The following RIF1 variants were observed in gnomAD, a reference collection of about 807,000 sequenced individuals.
RIF1 encodes telomere-associated protein RIF1.
RIF1 carries 45 observed loss-of-function variants against 247.1 expected under a neutral mutation model. The ratio of observed to expected loss-of-function variants is 0.18; its 90% CI spans 0.14 to 0.23. The LOEUF is 0.23. Ranked by LOEUF, RIF1 falls within the 10% of genes least tolerant of loss-of-function variation. RIF1 has a pLI of 1.00. For missense variants in RIF1, 2,967 were observed against 2,862.5 expected (o/e 1.04, Z -0.83); for synonymous variants, 1,087 against 978.8 (o/e 1.11, Z -2.06).
At position 151,443,541 on chromosome 2, in the gene RIF1, T is replaced by C; in HGVS notation, c.1818T>C (p.Ser606=). Residue 606 remains serine, a synonymous_variant, in exon 18 of 36, where the codon AGT becomes AGC. Coordinates refer to ENST00000444746, the MANE Select transcript of RIF1 (RefSeq NM_018151.5). ...ATTTTTTGTTCAGGTTCTTTCTCAG[T>C]TTGGAATCACTTGTAGGCTGTGTTC... ...CGVSDERFFL[S]LESLVGCVLS... The C allele has an allele frequency of 3.2e-6, 5 of 1,575,662 alleles. No individual in the cohort carries two copies. In the South Asian group the frequency reaches 6.0e-5, roughly 19 times the overall value.
intron 11 of RIF1, 27 bp from the exon 12 acceptor site, chr2:151,436,800 T>G: frequency 1.3e-6 from 2 of 1,522,990 alleles, no homozygotes; most frequent in South Asian, 2.5e-5. Flanking sequence ...CTTGTATGAC[T>G]TAACTCTTTT....
chr2:151,464,805 C>T lies in RIF1; in HGVS notation c.5285C>T (p.Thr1762Ile). The part of the protein sequence containing the change: ...TENNDVEISE[T>I]KKADVQAPVS... ...AATAATGACGTAGAGATTAGTGAAA[C>T]AAAAAAGGCAGATGTGCAAGCACCT... The change falls in exon 30 of 36, where the codon ACA becomes ATA. Residue 1762 changes from threonine (T) to isoleucine (I), a missense_variant. Around this residue, in one of 7 missense-constraint regions of RIF1, gnomAD observed 2,028 missense variants for 1,825.6 expected, o/e 1.11. Coordinates refer to ENST00000444746, the MANE Select transcript of RIF1 (RefSeq NM_018151.5). The T allele has an allele frequency of 1.9e-6, 3 of 1,613,236 alleles. No homozygotes were observed. Among genetic ancestry groups the T allele is most frequent in the Non-Finnish European group, 2.5e-6 (3 of 1,179,754 alleles).
At chr2:151,466,931 G>A (rs1157577054) in intron 30 of RIF1, among the ~76,000 whole-genome samples, 2 of 152,130 alleles carry the variant, frequency 1.3e-5, no homozygotes, top group East Asian at 1.9e-4. Flanking sequence ...CACTTTGAAA[G>A]TATTCCTTTG....
At chr2:151,526,142 G>A in the RIF1 span, 1 of 1,613,396 alleles carries the variant, frequency 6.2e-7, no homozygotes, top group East Asian at 2.2e-5. Context: ...AGAACTCATG[G>A]GCGGCTGGGG....
intron 27 of RIF1, 68 bp downstream of exon 27, chr2:151,461,357 T>A: frequency 6.9e-7 from 1 of 1,457,136 alleles, no homozygotes; most frequent in Non-Finnish European, 9.4e-7. Flanking sequence ...AAGAAAAGTG[T>A]AACTTTGTGT....
At chr2:151,486,218 A>G (rs1174055101), downstream of RIF1, 1 of 309,210 alleles carries the variant, frequency 3.2e-6, no homozygotes, top group Non-Finnish European at 6.0e-6. Context: ...TCCAAAAAAG[A>G]TAGACAAATA....
chr2:151,468,419 A>C, intron 31 of RIF1, 55 bp from the exon 32 acceptor site: 1 of 1,387,140 alleles, frequency 7.2e-7, no homozygotes, highest in Non-Finnish European at 1.0e-6. Flanking sequence ...AAAAATTGTG[A>C]AATTATAGTC....
intron 6 of RIF1, among the ~76,000 whole-genome samples, chr2:151,417,861 G>T (rs979788930): frequency 6.6e-6 from 1 of 152,086 alleles, no homozygotes; most frequent in African/African-American, 2.4e-5. Context: ...ATATACCCAG[G>T]CTGCATGGTA....
At chr2:151,470,002 C>G (rs1697549468) in intron 34 of RIF1, 138 bp downstream of exon 34, 7 of 494,090 alleles carry the variant, frequency 1.4e-5, no homozygotes, top group Non-Finnish European at 2.0e-5. Flanking sequence ...ATGCATTGCA[C>G]CTCAGATAAA....
At chr2:151,497,912 G>A in intron 10 of RIF1, 1 of 1,473,280 alleles carries the variant, frequency 6.8e-7, no homozygotes, top group Non-Finnish European at 8.9e-7. Context: ...AGGGACTTCA[G>A]CTGCTGAGGA....
intron 8 of RIF1, chr2:151,423,365 G>C (rs946141036): frequency 2.0e-5 from 4 of 201,814 alleles, no homozygotes; most frequent in African/African-American, 9.4e-5. Flanking sequence ...TCCATGTAAT[G>C]CCACATTTTT....
chr2:151,463,605 T>A lies in RIF1; in HGVS notation c.4085T>A (p.Val1362Glu). 6.2e-7 allele frequency: 1 copy of A among 1,613,552 alleles called. No individual in the cohort carries two copies. Among genetic ancestry groups the A allele is most frequent in the Admixed American group, 1.7e-5 (1 of 59,996 alleles). The part of the protein sequence containing the change: ...HDNTKLKAAT[V>E]ENAVLLETNT... ...AATACAAAGCTTAAAGCAGCAACAG[T>A]GGAAAATGCTGTATTATTGGAAACT... is the stretch of plus-strand genomic sequence containing the variant. Residue 1362 changes from valine to glutamate, a missense_variant, in exon 30 of 36, where the codon GTG (valine) becomes GAG (glutamate). By Grantham distance (121) the Val-to-Glu change is moderately radical. Coordinates refer to ENST00000444746, the MANE Select transcript of RIF1 (RefSeq NM_018151.5).
intron 3 of RIF1, among the ~76,000 whole-genome samples, chr2:151,413,563 T>A (rs750282965): frequency 5.3e-5 from 8 of 152,188 alleles, no homozygotes; most frequent in Non-Finnish European, 1.2e-4. Flanking sequence ...ATGAGACACA[T>A]CATCGTTAAG....
chr2:151,410,551 C>T lies in RIF1; in HGVS notation c.104+24C>T, dbSNP rs781117114. On this transcript the variant is annotated intron_variant, in intron 2 of 35. Transcript: ENST00000444746. ...AGGTGAGGTCCGCCACGGGGCGTAG[C>T]GGAGAGTGGGGCGCTCTATAGTGGG... 3.2e-6 allele frequency: 5 copies of T among 1,582,922 alleles called. No individual in the cohort carries two copies. The East Asian group carries it at 6.7e-5, about 21-fold the overall frequency.
the RIF1 span, among the ~76,000 whole-genome samples, chr2:151,532,748 T>C: frequency 5.2e-5 from 1 of 19,410 alleles, no homozygotes; most frequent in South Asian, 8.6e-4. Flanking sequence ...TCAATTAACT[T>C]TTTTTTTTTG....
In RIF1 at chr2:151,476,870, A is replaced by T. The variant is rs2048952779; in HGVS notation, c.*1799A>T. 1 of 152,218 alleles carries T rather than the reference A, an allele frequency of 6.6e-6. No homozygotes were observed. The highest frequency in any genetic ancestry group is 1.5e-5 in the Non-Finnish European group (1 of 68,044). 9.4% of individuals were successfully genotyped at this position (152,218 alleles called of 1,614,324 possible). ...ATATGTGTTTGGGGCAGAGGGGAGC[A>T]GATTACTTTAACACACTTCAGAATT... On this transcript the variant is annotated 3_prime_UTR_variant, in exon 36 of 36. Coordinates refer to ENST00000444746, the MANE Select transcript of RIF1 (RefSeq NM_018151.5).
chr2:151,525,046 CTT>C, the RIF1 span: 1 of 810,680 alleles, frequency 1.2e-6, no homozygotes, highest in South Asian at 1.5e-5. Context: ...TCGCCACTAA[CTT>C]TTTGAAACTA....
chr2:151,433,513 G>A (rs1286221985), intron 10 of RIF1, among the ~76,000 whole-genome samples: 2 of 152,114 alleles, frequency 1.3e-5, no homozygotes, highest in Non-Finnish European at 2.9e-5. Context: ...GGAGTGCAGT[G>A]GCACGATCTC....
rs1264581207 is a variant in RIF1, at chr2:151,465,229, A to G, written c.5709A>G (p.Ala1903=). 2 of 1,610,672 alleles carry G rather than the reference A, an allele frequency of 1.2e-6. No homozygotes were observed. The highest frequency in any genetic ancestry group is 8.5e-7 in the Non-Finnish European group (1 of 1,179,328). ...SLENVTVEGN[A]CKVTESNLEK... The stretch of plus-strand genomic sequence containing the variant: ...AGAATGTTACTGTTGAAGGAAATGC[A>G]TGTAAAGTAACAGAATCCAATCTAG... The change falls in exon 30 of 36, where the codon GCA becomes GCG. Residue 1903 remains alanine, a synonymous_variant. Transcript: ENST00000444746.
Sources: gnomAD v4.1 joint callset for allele counts (sites outside exome capture counted in the v4.1 genomes callset) on GRCh38, gnomAD v4.1.1 for gene constraint, gnomAD v4.1.1 regional missense constraint, MANE v1.5 for transcripts, NCBI Gene and HGNC (gene_info 2026-07-23, HGNC 2026-07-21) for gene names.